REV3L: variants seen among roughly 807,000 people sequenced by gnomAD.
REV3L encodes REV3 like, DNA directed polymerase zeta catalytic subunit.
In REV3L, 69 loss-of-function variants were observed where a neutral mutation model predicts 299.4. The observed-to-expected ratio is 0.23, with a 90% confidence interval of 0.19 to 0.28. The LOEUF (loss-of-function observed/expected upper bound fraction) is 0.28, where lower values mean the gene tolerates loss of function less well. REV3L is among the 10% of genes least tolerant of loss of function. The pLI, the probability that REV3L is intolerant of heterozygous loss-of-function variation, is 1.00. For synonymous variants in REV3L, 1,238 were observed against 1,271.4 expected, an observed-to-expected ratio of 0.97 and a Z score of 0.56; for missense variants, 3,128 against 3,693.8, an observed-to-expected ratio of 0.85 and a Z score of 3.97.
At chr6:111,306,643 C>T (rs1357780196) in intron 31 of REV3L, among the ~76,000 whole-genome samples, 1 of 152,184 alleles carries the variant, frequency 6.6e-6, no homozygotes, top group Non-Finnish European at 1.5e-5. Context: ...CTCTCTGTAT[C>T]AGTTTACTCA....
At chr6:111,308,072 G>A (rs1562483235) in intron 30 of REV3L, 1 of 312,600 alleles carries the variant, frequency 3.2e-6, no homozygotes, top group Non-Finnish European at 6.3e-6. Flanking sequence ...TGCTGAGAAT[G>A]ATGGTTTCCA....
intron 1 of REV3L, among the ~76,000 whole-genome samples, chr6:111,451,065 T>C (rs561904115): frequency 6.6e-6 from 1 of 152,248 alleles, no homozygotes; most frequent in South Asian, 2.1e-4. Context: ...CTTCATGAAG[T>C]GTAAGTGGAT....
chr6:111,466,393 T>A (rs979012613), intron 1 of REV3L, among the ~76,000 whole-genome samples: 19 of 152,052 alleles, frequency 1.2e-4, no homozygotes, highest in Non-Finnish European at 2.6e-4. Flanking sequence ...AGATTTTTTT[T>A]AAAAAAAGCA....
rs1304763655 is a variant in REV3L, at chr6:111,367,676, T to C, written c.6112A>G (p.Ser2038Gly). 1.2e-6 allele frequency: 2 copies of C among 1,614,206 alleles called. No homozygotes were observed. Among genetic ancestry groups the C allele is most frequent in the Admixed American group, 3.3e-5 (2 of 60,018 alleles). Residue 2038 changes from serine to glycine, a missense_variant, in exon 14 of 32, where the codon AGC becomes GGC. Around this residue, in one of 9 missense-constraint regions of REV3L, gnomAD observed 2,409 missense variants for 2,611.8 expected, o/e 0.92. Transcript: ENST00000368802. ...TGVVKSAENF[S>G]SSVNPDDKPV... The stretch of plus-strand genomic sequence containing the variant: ...TTGTCATCTGGGTTAACTGAAGAGC[T>C]AAAGTTCTCAGCAGATTTTACAACT...
intron 4 of REV3L, among the ~76,000 whole-genome samples, chr6:111,396,297 G>A (rs1160273306): frequency 6.6e-6 from 1 of 151,898 alleles, no homozygotes; most frequent in Admixed American, 6.6e-5. Context: ...AAAGTTCTGG[G>A]ATTACAGGCA....
intron 16 of REV3L, among the ~76,000 whole-genome samples, chr6:111,362,304 G>A (rs1023332785): frequency 6.6e-6 from 1 of 152,098 alleles, no homozygotes; most frequent in Non-Finnish European, 1.5e-5. Flanking sequence ...CAGTTCAAAT[G>A]TGAAGAACAA....
chr6:111,307,317 G>C (rs1244326442), intron 31 of REV3L, 44 bp downstream of exon 31: 1 of 1,522,090 alleles, frequency 6.6e-7, no homozygotes, highest in Non-Finnish European at 9.1e-7. Flanking sequence ...CTTCCTGTAA[G>C]ATCAGACTGC....
chr6:111,354,441 T>G (rs964838833), intron 18 of REV3L, among the ~76,000 whole-genome samples: 6 of 152,184 alleles, frequency 3.9e-5, no homozygotes, highest in Non-Finnish European at 8.8e-5. Flanking sequence ...AAAGTTACCC[T>G]GCGCTTCTCA....
chr6:111,483,500 T>G (rs1181339029), upstream of REV3L: 6 of 494,456 alleles, frequency 1.2e-5, no homozygotes, highest in East Asian at 5.8e-5. Flanking sequence ...ACCGATCTCA[T>G]GGATGGGCTC....
intron 20 of REV3L, among the ~76,000 whole-genome samples, chr6:111,346,995 G>T (rs1777095381): frequency 6.6e-6 from 1 of 151,994 alleles, no homozygotes; most frequent in Non-Finnish European, 1.5e-5. Context: ...ATGAGGCCTG[G>T]GCTGTGGCTC....
rs770567720 is a variant in REV3L at position 111,390,191 on chromosome 6, A to G, written c.663-11T>C. ...TCCAATATTAAAGAGCTGCAATTAA[A>G]GGATATAAAAAACATAATAATTATG... On this transcript the variant is annotated splice_polypyrimidine_tract_variant and intron_variant, in intron 5 of 31. Transcript: ENST00000368802. The G allele has an allele frequency of 1.3e-6, 2 of 1,510,330 alleles. No individual in the cohort carries two copies. The highest frequency in any genetic ancestry group is 4.5e-5 in the East Asian group (2 of 44,220). 93.6% of individuals were successfully genotyped at this position (1,510,330 alleles called of 1,614,324 possible).
chr6:111,373,479 C>T lies in REV3L; in HGVS notation c.4876G>A (p.Asp1626Asn), dbSNP rs1779997455. Residue 1626 changes from aspartate (D) to asparagine (N), a missense_variant, in exon 13 of 32, where the codon GAT becomes AAT. Physicochemically the swap from Asp to Asn is conservative, Grantham distance 23. Around this residue, in one of 9 missense-constraint regions of REV3L, gnomAD observed 2,409 missense variants for 2,611.8 expected, o/e 0.92. Coordinates refer to ENST00000368802, the MANE Select transcript of REV3L (RefSeq NM_001372078.1). Reference protein sequence around the residue: ...VSDDSPIFFSDPGFESCYSLE... With the variant: ...VSDDSPIFFSNPGFESCYSLE... ...GAGTAACAACTTTCAAAGCCTGGAT[C>T]TGAAAAAAAGATGGGACTATCATCT... The T allele has an allele frequency of 1.9e-6, 3 of 1,612,172 alleles. No individual in the cohort carries two copies. The highest frequency in any genetic ancestry group is 1.3e-5 in the African/African-American group (1 of 74,674).
At chr6:111,480,452 G>C (rs1480491155) in intron 1 of REV3L, among the ~76,000 whole-genome samples, 1 of 152,054 alleles carries the variant, frequency 6.6e-6, no homozygotes, top group African/African-American at 2.4e-5. Flanking sequence ...TATTGGACTA[G>C]TTTTCCTTGG....
intron 23 of REV3L, 42 bp downstream of exon 23, chr6:111,333,081 C>A (rs1442957849): frequency 4.4e-6 from 7 of 1,601,548 alleles, no homozygotes; most frequent in Non-Finnish European, 6.0e-6. Flanking sequence ...GTAAGAAGTA[C>A]AAAGCACAAC....
intron 1 of REV3L, among the ~76,000 whole-genome samples, chr6:111,481,529 G>A (rs1317610061): frequency 6.6e-6 from 1 of 152,168 alleles, no homozygotes; most frequent in Non-Finnish European, 1.5e-5. Flanking sequence ...CACATTAAAA[G>A]ATAACTGCTT....
chr6:111,329,876 G>T, intron 24 of REV3L, 138 bp from the exon 25 acceptor site: 1 of 654,530 alleles, frequency 1.5e-6, no homozygotes, highest in Non-Finnish European at 2.6e-6. Context: ...TAGTATTAGT[G>T]GCCGTCAATA....
At chr6:111,482,458 C>T (rs1243852672) in intron 1 of REV3L, among the ~76,000 whole-genome samples, 1 of 152,054 alleles carries the variant, frequency 6.6e-6, no homozygotes, top group African/African-American at 2.4e-5. Context: ...TCCCGGCCCG[C>T]GCCCTGGAGT....
intron 1 of REV3L, among the ~76,000 whole-genome samples, chr6:111,467,128 TAAG>T (rs752854957): frequency 1.2e-4 from 19 of 152,188 alleles, no homozygotes; most frequent in Non-Finnish European, 2.5e-4. Context: ...TAAAATTATA[TAAG>T]AAGAAAGGGT....
At position 111,368,155 on chromosome 6, in the gene REV3L, C is replaced by T. The variant is rs186071662; in HGVS notation, c.5760-127G>A. 4.5e-5 allele frequency: 33 copies of T among 740,124 alleles called. 1 individual carries two copies. The East Asian group carries it at 8.7e-4, about 19-fold the overall frequency. 45.8% of individuals were successfully genotyped at this position (740,124 alleles called of 1,614,324 possible). On this transcript the variant is annotated intron_variant, in intron 13 of 31. Transcript: ENST00000368802. The stretch of plus-strand genomic sequence containing the variant: ...TGTCCATGTCTATCTTCCCTGCCCC[C>T]TCTATATTGTGCAGGTACATTCTAT...
Sources: gnomAD v4.1 joint callset for allele counts (sites outside exome capture counted in the v4.1 genomes callset) on GRCh38, gnomAD v4.1.1 for gene constraint, gnomAD v4.1.1 regional missense constraint, MANE v1.5 for transcripts, NCBI Gene and HGNC (gene_info 2026-07-23, HGNC 2026-07-21) for gene names.